MIB1: variants seen among roughly 807,000 people sequenced by gnomAD.
The protein encoded by MIB1 is E3 ubiquitin-protein ligase MIB1.
In MIB1, 278 loss-of-function variants were observed where a neutral mutation model predicts 124.5. That is an observed-to-expected ratio of 2.23 (90% confidence interval 2.02 to 2.47). The LOEUF (loss-of-function observed/expected upper bound fraction) is 2.47, where lower values mean the gene tolerates loss of function less well. MIB1 is among the 30% of genes most tolerant of loss of function. The probability of loss-of-function intolerance (pLI) is 0.00; values close to 1 mark genes in which losing one functional copy is unlikely to be tolerated. For missense variants in MIB1, 957 were observed against 1,254.4 expected, an observed-to-expected ratio of 0.76 and a Z score of 3.58; for synonymous variants, 446 against 429.4, an observed-to-expected ratio of 1.04 and a Z score of -0.48.
rs758827497 is a variant in MIB1, at chr18:21,864,667, C to G, written c.*1C>G. 6 of 1,611,244 alleles carry G rather than the reference C, an allele frequency of 3.7e-6. No individual in the cohort carries two copies. Among genetic ancestry groups the G allele is most frequent in the Non-Finnish European group, 4.2e-6 (5 of 1,178,030 alleles). On this transcript the variant is annotated 3_prime_UTR_variant, in exon 21 of 21. Transcript: ENST00000261537. ...TGAACGAAGGATTCTTTTGTATTAACTAAGACACATGGTGTATTTTGTTAG... is the reference window on the plus strand; with the variant it reads ...TGAACGAAGGATTCTTTTGTATTAAGTAAGACACATGGTGTATTTTGTTAG...
intron 4 of MIB1, among the ~76,000 whole-genome samples, chr18:21,775,783 G>A (rs879908878): frequency 1.3e-5 from 2 of 152,138 alleles, no homozygotes; most frequent in African/African-American, 4.8e-5. Flanking sequence ...ATTGATGGCC[G>A]AGTATGTTGT....
At chr18:21,796,151 T>G (rs1046798014) in intron 7 of MIB1, among the ~76,000 whole-genome samples, 1 of 150,292 alleles carries the variant, frequency 6.7e-6, no homozygotes, top group African/African-American at 2.4e-5. Context: ...TTTAAGTTCC[T>G]TGTAGATTCT....
At chr18:21,751,804 T>C (rs574962132) in intron 1 of MIB1, among the ~76,000 whole-genome samples, 7 of 152,144 alleles carry the variant, frequency 4.6e-5, no homozygotes, top group Non-Finnish European at 1.0e-4. Flanking sequence ...CTGACTGATA[T>C]TTGGTTGAAT....
intron 1 of MIB1, among the ~76,000 whole-genome samples, chr18:21,708,891 G>C (rs1455290415): frequency 6.6e-6 from 1 of 152,144 alleles, no homozygotes; most frequent in Non-Finnish European, 1.5e-5. Context: ...AGGGTTCTTA[G>C]TAGCAAACAG....
intron 13 of MIB1, among the ~76,000 whole-genome samples, chr18:21,839,293 C>T (rs1482312284): frequency 6.6e-6 from 1 of 152,238 alleles, no homozygotes; most frequent in Admixed American, 6.5e-5. Context: ...CACCTCCCCC[C>T]CACTACTTTA....
chr18:21,735,414 C>G (rs1256880781), intron 1 of MIB1, among the ~76,000 whole-genome samples: 1 of 152,070 alleles, frequency 6.6e-6, no homozygotes, highest in Non-Finnish European at 1.5e-5. Context: ...CACCAGGGCC[C>G]TGGGTTTCAA....
intron 1 of MIB1, among the ~76,000 whole-genome samples, chr18:21,734,517 C>T (rs2040787046): frequency 6.7e-6 from 1 of 150,226 alleles, no homozygotes; most frequent in South Asian, 2.1e-4. Flanking sequence ...TCTTTCTTGT[C>T]TCTCTTTCTC....
chr18:21,845,353 A>G (rs1254674165), intron 15 of MIB1, among the ~76,000 whole-genome samples: 2 of 152,092 alleles, frequency 1.3e-5, no homozygotes, highest in Non-Finnish European at 2.9e-5. Flanking sequence ...CAAATTTTTT[A>G]ATTTTGAGGA....
intron 17 of MIB1, among the ~76,000 whole-genome samples, chr18:21,850,958 G>C (rs1348203585): frequency 1.3e-5 from 2 of 152,046 alleles, no homozygotes; most frequent in Non-Finnish European, 2.9e-5. Context: ...TTGAACATCT[G>C]TTTTATAGTC....
At chr18:21,774,064 A>G (rs140493687) in intron 4 of MIB1, among the ~76,000 whole-genome samples, 3 of 152,328 alleles carry the variant, frequency 2.0e-5, no homozygotes, top group South Asian at 2.1e-4. Context: ...GTTTTGTGAT[A>G]TATTTGTATT....
At chr18:21,811,379 A>G (rs947813907) in intron 10 of MIB1, among the ~76,000 whole-genome samples, 6 of 152,192 alleles carry the variant, frequency 3.9e-5, no homozygotes, top group Non-Finnish European at 8.8e-5. Flanking sequence ...ATATATCCCA[A>G]AGATTGGAAA....
At chr18:21,747,125 A>C (rs775579238) in intron 1 of MIB1, among the ~76,000 whole-genome samples, 1 of 152,230 alleles carries the variant, frequency 6.6e-6, no homozygotes, top group Non-Finnish European at 1.5e-5. Flanking sequence ...AATGTTTTTT[A>C]TTAATGACAT....
chr18:21,807,026 T>TA lies in MIB1; in HGVS notation c.1479+3013dup, dbSNP rs563198217. On this transcript the variant is annotated intron_variant, in intron 10 of 20. Coordinates refer to ENST00000261537, the MANE Select transcript of MIB1 (RefSeq NM_020774.4). ...TGGATTTCCATTTTGTGCATTTTTT[T>TA]ATTTTAAAATTCATTATAAGCAGGT... Among the ~76,000 whole-genome samples, 43 of 152,376 alleles carry TA rather than the reference T, an allele frequency of 2.8e-4. 1 individual carries two copies. In the East Asian group the frequency reaches 8.1e-3, roughly 29 times the overall value.
Position 21,857,263 on chromosome 18 carries a change from C to A in MIB1, c.2779+20C>A. 6.4e-7 allele frequency: 1 copy of A among 1,571,702 alleles called. No individual in the cohort carries two copies. Among genetic ancestry groups the A allele is most frequent in the Non-Finnish European group, 8.8e-7 (1 of 1,141,556 alleles). On this transcript the variant is annotated intron_variant, in intron 19 of 20. Coordinates refer to ENST00000261537, the MANE Select transcript of MIB1 (RefSeq NM_020774.4). ...ATATCTGTAAGTCGATTGTCTTAAG[C>A]ATTTTCATATTTTGCTTTTTTTTGG...
chr18:21,806,751 G>A (rs2041712709), intron 10 of MIB1, among the ~76,000 whole-genome samples: 1 of 151,920 alleles, frequency 6.6e-6, no homozygotes, highest in Non-Finnish European at 1.5e-5. Flanking sequence ...AGCCTCCCGA[G>A]TAGCTGGGAC....
chr18:21,837,380 C>T (rs867059667), intron 12 of MIB1, among the ~76,000 whole-genome samples: 4 of 152,188 alleles, frequency 2.6e-5, no homozygotes, highest in South Asian at 4.1e-4. Context: ...TGGTGGCAGG[C>T]GCCTATAGTC....
At chr18:21,857,294 G>A (rs1278364454) in intron 19 of MIB1, 51 bp downstream of exon 19, 2 of 1,101,586 alleles carry the variant, frequency 1.8e-6, no homozygotes, top group Non-Finnish European at 2.8e-6. Context: ...TTTGGGACTT[G>A]CATAAACACC....
chr18:21,829,879 G>A (rs2041962746), intron 12 of MIB1, among the ~76,000 whole-genome samples: 1 of 152,060 alleles, frequency 6.6e-6, no homozygotes, highest in Admixed American at 6.6e-5. Flanking sequence ...CTTTTAGAAA[G>A]TATCACTTCA....
chr18:21,823,416 A>AT (rs1397895545), intron 12 of MIB1, among the ~76,000 whole-genome samples: 1 of 151,466 alleles, frequency 6.6e-6, no homozygotes, highest in Non-Finnish European at 1.5e-5. Flanking sequence ...AAAAAAAAAA[A>AT]GAAAGAAAAG....
Sources: gnomAD v4.1 joint callset for allele counts (sites outside exome capture counted in the v4.1 genomes callset) on GRCh38, gnomAD v4.1.1 for gene constraint, MANE v1.5 for transcripts, NCBI Gene and HGNC (gene_info 2026-07-23, HGNC 2026-07-21) for gene names.